The following EEA1 variants were observed in gnomAD, a reference collection of about 807,000 sequenced individuals.
EEA1 encodes early endosome antigen 1.
EEA1 carries 111 observed loss-of-function variants against 209.2 expected under a neutral mutation model. The ratio of observed to expected loss-of-function variants is 0.53; its 90% CI spans 0.45 to 0.62. EEA1 has a LOEUF of 0.62. EEA1 is among the 20% of genes least tolerant of loss of function. The pLI is 0.00. For missense variants in EEA1, 1,343 were observed against 1,530.8 expected, an observed-to-expected ratio of 0.88 and a Z score of 2.05; for synonymous variants, 536 against 540.6, an observed-to-expected ratio of 0.99 and a Z score of 0.12.
At chr12:92,789,741 C>G (rs555191344) in intron 21 of EEA1, among the ~76,000 whole-genome samples, 2 of 152,346 alleles carry the variant, frequency 1.3e-5, no homozygotes, top group African/African-American at 4.8e-5. Flanking sequence ...TTAAACGTCC[C>G]TGTCTGACAG....
intron 3 of EEA1, among the ~76,000 whole-genome samples, chr12:92,862,222 G>A (rs1878185864): frequency 4.9e-5 from 1 of 20,284 alleles, no homozygotes; most frequent in Non-Finnish European, 8.3e-5. Context: ...AAACGGAAAC[G>A]CATGCAGTAA....
chr12:92,929,145 C>G lies in EEA1; in HGVS notation c.-79G>C. 42 of 950,816 alleles carry G rather than the reference C, an allele frequency of 4.4e-5. No individual in the cohort carries two copies. The highest frequency in any genetic ancestry group is 6.0e-5 in the Non-Finnish European group (39 of 650,210). The allele number at this position is 950,816 out of a possible 1,614,324, so 58.9% of individuals were successfully genotyped here. A position where few individuals can be genotyped will look rare whatever the true frequency, so the allele number is the denominator to read the frequency against. On this transcript the variant is annotated 5_prime_UTR_variant, in exon 1 of 29. Transcript: ENST00000322349. ...CCACTCACTACTCGGGGTGCGCGGG[C>G]GGGAGGGACTGGGCCGGGAGGGGAC...
At position 92,891,681 on chromosome 12, in the gene EEA1, G is replaced by A. The variant is rs1304838452; in HGVS notation, c.65C>T (p.Ser22Leu). 6.2e-7 allele frequency: 1 copy of A among 1,611,066 alleles called. No individual in the cohort carries two copies. The highest frequency in any genetic ancestry group is 1.7e-5 in the Admixed American group (1 of 59,742). Residue 22 changes from serine (S) to leucine (L), a missense_variant, in exon 2 of 29, where the codon TCA (serine) becomes TTA (leucine). By Grantham distance (145) the Ser-to-Leu change is moderately radical. This residue lies in a region of EEA1 where 1,307 missense variants were observed against 1,465.5 expected (regional missense o/e 0.89). Coordinates refer to ENST00000322349, the MANE Select transcript of EEA1 (RefSeq NM_003566.4). ...RVGSQGSDLDSSATPINTVDV... is the reference protein window; with the variant it reads ...RVGSQGSDLDLSATPINTVDV... ...CACTGTGTTTATAGGAGTTGCTGAT[G>A]AATCTAAATCAGAACCTTGAGAGCC...
intron 2 of EEA1, among the ~76,000 whole-genome samples, chr12:92,875,237 G>T (rs1174838496): frequency 2.0e-5 from 3 of 151,990 alleles, no homozygotes; most frequent in Non-Finnish European, 2.9e-5. Flanking sequence ...GGATCACAAG[G>T]TCAAGAGATC....
At chr12:92,801,738 T>C (rs1176028886) in intron 19 of EEA1, 37 bp from the exon 20 acceptor site, 4 of 1,395,058 alleles carry the variant, frequency 2.9e-6, no homozygotes, top group South Asian at 1.4e-5. Flanking sequence ...ATAAAAAATA[T>C]TTGTAATAAC....
chr12:92,856,056 A>AGT (rs1877865492), intron 5 of EEA1, among the ~76,000 whole-genome samples: 1 of 152,188 alleles, frequency 6.6e-6, no homozygotes, highest in African/African-American at 2.4e-5. Context: ...TGTCTTTTTC[A>AGT]GTCCAACTGC....
In EEA1 at chr12:92,826,174, C is replaced by T; in HGVS notation, c.1516G>A (p.Glu506Lys). The change falls in exon 13 of 29, where the codon GAA (glutamate) becomes AAA (lysine). Residue 506 changes from glutamate (E) to lysine (K), a missense_variant. Glu to Lys is a moderately conservative substitution (Grantham distance 56, BLOSUM62 1). This residue lies in a region of EEA1 where 1,307 missense variants were observed against 1,465.5 expected (regional missense o/e 0.89). Coordinates refer to ENST00000322349, the MANE Select transcript of EEA1 (RefSeq NM_003566.4). Reference sequence around the variant, plus strand: ...ACGCAACTAATGTTTACCTGAGCTTCTCGAAGTTTTGCCGTGGTGCTTTGC... The same window carrying T: ...ACGCAACTAATGTTTACCTGAGCTTTTCGAAGTTTTGCCGTGGTGCTTTGC... Reference protein sequence around the residue: ...LQQSTTAKLREAQNDLEQVLR... With the variant: ...LQQSTTAKLRKAQNDLEQVLR... The T allele has an allele frequency of 6.2e-7, 1 of 1,613,098 alleles. No homozygotes were observed.
At chr12:92,928,936 G>A in intron 1 of EEA1, 107 bp downstream of exon 1, 2 of 1,247,950 alleles carry the variant, frequency 1.6e-6, no homozygotes, top group South Asian at 1.4e-5. Flanking sequence ...GGGCTGTGGG[G>A]CCTAGGGAAG....
At chr12:92,835,464 T>C in intron 10 of EEA1, 1 of 255,258 alleles carries the variant, frequency 3.9e-6, no homozygotes, top group Non-Finnish European at 7.5e-6. Context: ...CAGGTGGGAG[T>C]GCAGTGGCAC....
At chr12:92,875,746 G>A (rs1878854071) in intron 2 of EEA1, among the ~76,000 whole-genome samples, 1 of 152,052 alleles carries the variant, frequency 6.6e-6, no homozygotes, top group African/African-American at 2.4e-5. Flanking sequence ...TAGTCTATAA[G>A]GCCCTACAAG....
intron 2 of EEA1, among the ~76,000 whole-genome samples, chr12:92,888,591 C>CAAAAAAAAA (rs770317244): frequency 8.8e-6 from 1 of 113,062 alleles, no homozygotes. Context: ...AACAAACAAA[C>CAAAAAAAAA]AAACAAAAAA....
chr12:92,809,485 A>G, intron 17 of EEA1, among the ~76,000 whole-genome samples: 1 of 148,942 alleles, frequency 6.7e-6, no homozygotes, highest in African/African-American at 2.5e-5. Flanking sequence ...CAGAAGTTCG[A>G]GACCAGCCTG....
chr12:92,894,854 A>G (rs1680567666), intron 1 of EEA1, among the ~76,000 whole-genome samples: 1 of 152,248 alleles, frequency 6.6e-6, no homozygotes, highest in Non-Finnish European at 1.5e-5. Context: ...ATTCAGAAAA[A>G]AACAGCCTTC....
intron 13 of EEA1, among the ~76,000 whole-genome samples, chr12:92,822,652 G>A (rs770271590): frequency 1.1e-4 from 16 of 152,002 alleles, no homozygotes; most frequent in Non-Finnish European, 2.1e-4. Context: ...CACTTAAGGG[G>A]TGGTGTTTCT....
At chr12:92,901,571 G>T (rs1252165175) in intron 1 of EEA1, among the ~76,000 whole-genome samples, 2 of 143,028 alleles carry the variant, frequency 1.4e-5, no homozygotes, top group East Asian at 2.0e-4. Context: ...AGAACTTCTT[G>T]TTTTTTTTTT....
intron 1 of EEA1, among the ~76,000 whole-genome samples, chr12:92,898,556 C>T (rs529522365): frequency 4.0e-5 from 6 of 151,420 alleles, no homozygotes; most frequent in East Asian, 1.9e-4. Flanking sequence ...CCCAGCTATT[C>T]GGGAGGCTGA....
chr12:92,858,330 C>T (rs896225417), intron 3 of EEA1: 31 of 781,262 alleles, frequency 4.0e-5, no homozygotes, highest in East Asian at 9.8e-5. Flanking sequence ...GAAAATGCTT[C>T]GTGAAGCTAT....
intron 22 of EEA1, among the ~76,000 whole-genome samples, 170 bp downstream of exon 22, chr12:92,787,697 A>G (rs1426458636): frequency 2.6e-5 from 4 of 152,158 alleles, no homozygotes; most frequent in Non-Finnish European, 5.9e-5. Flanking sequence ...AAATGCCCAC[A>G]TTTTAAACAA....
At chr12:92,857,195 G>T in intron 5 of EEA1, 80 bp downstream of exon 5, 1 of 1,118,542 alleles carries the variant, frequency 8.9e-7, no homozygotes, top group East Asian at 2.6e-5. Flanking sequence ...CCACCTGCTT[G>T]CAAAAAGGTA....
Sources: allele counts gnomAD v4.1 joint callset (sites outside exome capture counted in the v4.1 genomes callset), GRCh38; gene constraint gnomAD v4.1.1; regional missense constraint gnomAD v4.1.1; transcripts MANE v1.5; gene names NCBI Gene and HGNC (gene_info 2026-07-23, HGNC 2026-07-21).